The following MED12L variants were observed in gnomAD, a reference collection of about 807,000 sequenced individuals.
The protein encoded by MED12L is mediator complex subunit 12L.
MED12L carries 60 observed loss-of-function variants against 281.3 expected under a neutral mutation model. The ratio of observed to expected loss-of-function variants is 0.21; its 90% CI spans 0.17 to 0.26. MED12L has a LOEUF of 0.26. Ranked by LOEUF, MED12L falls within the 10% of genes least tolerant of loss-of-function variation. MED12L has a pLI of 1.00. For synonymous variants in MED12L, 974 were observed against 987.2 expected, an observed-to-expected ratio of 0.99 and a Z score of 0.25; for missense variants, 2,146 against 2,680.9, an observed-to-expected ratio of 0.80 and a Z score of 4.41.
intron 16 of MED12L, among the ~76,000 whole-genome samples, chr3:151,316,066 C>T (rs1748195904): frequency 6.6e-6 from 1 of 152,088 alleles, no homozygotes; most frequent in Admixed American, 6.6e-5. Context: ...TTTCTCAGTG[C>T]CTTTCCTGAC....
At chr3:151,266,461 C>G (rs773177101) in intron 16 of MED12L, among the ~76,000 whole-genome samples, 3 of 152,192 alleles carry the variant, frequency 2.0e-5, no homozygotes, top group Admixed American at 2.0e-4. Context: ...TGCCTAGACT[C>G]TAGACATTTT....
rs545400846 is a variant in MED12L, at chr3:151,299,678, T to C, written c.2251-50381T>C. Among the ~76,000 whole-genome samples the C allele has an allele frequency of 2.5e-4, 38 of 152,024 alleles. No homozygotes were observed. The South Asian group carries it at 3.7e-3, about 15-fold the overall frequency. ...TATTTAGGTATGATCATTTTCCAAA[T>C]AGTTACCCAGTAGATTAGGTAGATG... On this transcript the variant is annotated intron_variant, in intron 16 of 44. Coordinates refer to ENST00000687756, the MANE Select transcript of MED12L (RefSeq NM_001393769.1).
intron 3 of MED12L, among the ~76,000 whole-genome samples, chr3:151,118,649 T>C (rs1394848191): frequency 3.4e-5 from 2 of 59,554 alleles, no homozygotes; most frequent in African/African-American, 3.7e-4. Flanking sequence ...TCTCCAGAAC[T>C]TTTTTTTTTT....
chr3:151,188,702 C>T (rs933128033), intron 13 of MED12L, among the ~76,000 whole-genome samples: 1 of 152,108 alleles, frequency 6.6e-6, no homozygotes, highest in South Asian at 2.1e-4. Flanking sequence ...TTAAAAGTCA[C>T]CTCACTCCTT....
rs186287395 is a variant in MED12L at position 151,355,893 on chromosome 3, C to A, written c.2518-3C>A. 2.0e-3 allele frequency: 3,278 copies of A among 1,602,556 alleles called. 5 individuals carry two copies. Among genetic ancestry groups the A allele is most frequent in the Non-Finnish European group, 2.6e-3 (3,105 of 1,176,620 alleles). ...TACAATATTTTTGTTTTTATTTGCA[C>A]AGATTTCTAACAATGTGCTAGAACA... On this transcript the variant is annotated splice_polypyrimidine_tract_variant and splice_region_variant and intron_variant, in intron 18 of 44. Coordinates refer to ENST00000687756, the MANE Select transcript of MED12L (RefSeq NM_001393769.1).
At chr3:151,213,883 A>T (rs762183032) in intron 16 of MED12L, 18 of 1,613,614 alleles carry the variant, frequency 1.1e-5, no homozygotes, top group Non-Finnish European at 1.4e-5. Flanking sequence ...GAGCATCCAT[A>T]CTATCACTGA....
At chr3:151,425,727 A>G (rs1034073404) in intron 43 of MED12L, 1 of 456,626 alleles carries the variant, frequency 2.2e-6, no homozygotes, top group Non-Finnish European at 4.4e-6. Flanking sequence ...TCTGAGAAGT[A>G]AAAATCCAGA....
intron 8 of MED12L, among the ~76,000 whole-genome samples, chr3:151,161,977 G>A (rs928344615): frequency 2.6e-5 from 4 of 152,156 alleles, no homozygotes; most frequent in Non-Finnish European, 5.9e-5. Flanking sequence ...AAGGAATGTC[G>A]AGGAGTGATG....
At chr3:151,179,954 CT>C (rs1722519511) in intron 11 of MED12L, among the ~76,000 whole-genome samples, 1 of 152,130 alleles carries the variant, frequency 6.6e-6, no homozygotes, top group South Asian at 2.1e-4. Context: ...TCCCACCACT[CT>C]AAATATCCTA....
At chr3:151,242,577 TAACA>T (rs1242583110) in intron 16 of MED12L, among the ~76,000 whole-genome samples, 3 of 152,126 alleles carry the variant, frequency 2.0e-5, no homozygotes, top group Non-Finnish European at 4.4e-5. Flanking sequence ...CAAGGAAAAC[TAACA>T]AACAGAAAAC....
At chr3:151,278,092 C>T (rs999013502) in intron 16 of MED12L, among the ~76,000 whole-genome samples, 2 of 152,124 alleles carry the variant, frequency 1.3e-5, no homozygotes, top group African/African-American at 4.8e-5. Flanking sequence ...AGTATTGGAT[C>T]CCCATATTAG....
rs1407051939 is a variant in MED12L at position 151,425,621 on chromosome 3, AG to A, written c.6409-4677del. 3 of 456,166 alleles carry A rather than the reference AG, an allele frequency of 6.6e-6. No individual in the cohort carries two copies. The Admixed American group carries it at 7.0e-5, about 11-fold the overall frequency. 28.3% of individuals were successfully genotyped at this position (456,166 alleles called of 1,614,324 possible). A position where few individuals can be genotyped will look rare whatever the true frequency, so the allele number is the denominator to read the frequency against. On this transcript the variant is annotated intron_variant, in intron 43 of 44. Coordinates refer to ENST00000687756, the MANE Select transcript of MED12L (RefSeq NM_001393769.1). ...TTCAGCAAACAATGGTATTTCCTGG[AG>A]AAGTGGTTATACCATGTTGATTAGT... is the stretch of plus-strand genomic sequence containing the variant.
chr3:151,292,729 C>T (rs552679905), intron 16 of MED12L, among the ~76,000 whole-genome samples: 22 of 151,932 alleles, frequency 1.4e-4, no homozygotes, highest in African/African-American at 2.7e-4. Flanking sequence ...TGCGCCACCA[C>T]GCCCGGCTGA....
At chr3:151,396,356 G>A (rs369320579) in intron 39 of MED12L, among the ~76,000 whole-genome samples, 22 of 152,300 alleles carry the variant, frequency 1.4e-4, no homozygotes, top group Admixed American at 9.8e-4. Flanking sequence ...GGCCAGGCGT[G>A]GTGGCTTACG....
chr3:151,428,490 G>C (rs1719109431), intron 43 of MED12L, among the ~76,000 whole-genome samples: 1 of 152,056 alleles, frequency 6.6e-6, no homozygotes, highest in Admixed American at 6.5e-5. Flanking sequence ...TATTAGGAAA[G>C]TTGTGGGAAT....
intron 16 of MED12L, among the ~76,000 whole-genome samples, chr3:151,274,125 A>G (rs1056176075): frequency 2.6e-4 from 40 of 152,366 alleles, no homozygotes; most frequent in Middle Eastern, 6.8e-3. Context: ...ACCAACCCAT[A>G]TTCAGAAAAA....
intron 1 of MED12L, chr3:151,086,487 T>G (rs566787172): frequency 4.2e-3 from 638 of 152,418 alleles, no homozygotes; most frequent in Middle Eastern, 6.7e-3. Context: ...AAAGTTTTTT[T>G]TTTTTTTTTT....
chr3:151,385,336 T>A, intron 36 of MED12L, 145 bp downstream of exon 36: 1 of 518,712 alleles, frequency 1.9e-6, no homozygotes, highest in Non-Finnish European at 3.3e-6. Context: ...GTGTACTTAG[T>A]CATTGGCATT....
At chr3:151,153,756 A>G (rs1425980137) in intron 5 of MED12L, among the ~76,000 whole-genome samples, 1 of 151,702 alleles carries the variant, frequency 6.6e-6, no homozygotes, top group Non-Finnish European at 1.5e-5. Context: ...TTTAGTAGAG[A>G]CGGGGTTTCG....
Sources: allele counts gnomAD v4.1 joint callset (sites outside exome capture counted in the v4.1 genomes callset), GRCh38; gene constraint gnomAD v4.1.1; transcripts MANE v1.5; gene names NCBI Gene and HGNC (gene_info 2026-07-23, HGNC 2026-07-21).